The following KLHL32 variants were observed in gnomAD, a reference collection of about 807,000 sequenced individuals.
The protein encoded by KLHL32 is kelch like family member 32.
Under a neutral mutation model 64.8 loss-of-function variants are expected in KLHL32, and 35 were observed. That is an observed-to-expected ratio of 0.54 (90% confidence interval 0.41 to 0.72). The LOEUF (loss-of-function observed/expected upper bound fraction) is 0.72, where lower values mean the gene tolerates loss of function less well. Among genes scored for constraint, KLHL32 ranks in the 30% least tolerant of loss-of-function variants. The pLI is 0.00. For missense variants in KLHL32, 589 were observed against 768.5 expected (o/e 0.77, Z 2.76); for synonymous variants, 259 against 281.0 (o/e 0.92, Z 0.78).
chr6:97,134,088 C>T (rs944993948), intron 10 of KLHL32, among the ~76,000 whole-genome samples: 1 of 151,594 alleles, frequency 6.6e-6, no homozygotes, highest in East Asian at 1.9e-4. Flanking sequence ...TAATGGAACT[C>T]AAAAAAATTC....
At chr6:97,076,366 T>C (rs1791589692) in intron 5 of KLHL32, among the ~76,000 whole-genome samples, 1 of 152,230 alleles carries the variant, frequency 6.6e-6, no homozygotes, top group Non-Finnish European at 1.5e-5. Context: ...AGCTACTGTA[T>C]GTTGAGCATC....
chr6:97,018,467 C>G (rs1781535332), intron 3 of KLHL32, among the ~76,000 whole-genome samples: 1 of 151,314 alleles, frequency 6.6e-6, no homozygotes, highest in African/African-American at 2.4e-5. Flanking sequence ...TTGGCGCACT[C>G]CTGTGATCCC....
chr6:97,044,948 T>C (rs1785698073), intron 4 of KLHL32, among the ~76,000 whole-genome samples: 1 of 152,136 alleles, frequency 6.6e-6, no homozygotes, highest in South Asian at 2.1e-4. Context: ...TCTTTTCAAA[T>C]AATGAAGTTT....
At position 96,986,288 on chromosome 6, in the gene KLHL32, G is replaced by A. The variant is rs570253380; in HGVS notation, c.204+10111G>A. Reference sequence around the variant, plus strand: ...GAGGTGTCAGTCTGCCCCTAATGGGGGGGGCCTCCCAGTTAGGCTACTCAG... The same window carrying A: ...GAGGTGTCAGTCTGCCCCTAATGGGAGGGGCCTCCCAGTTAGGCTACTCAG... On this transcript the variant is annotated intron_variant, in intron 3 of 10. Coordinates refer to ENST00000369261, the MANE Select transcript of KLHL32 (RefSeq NM_052904.4). Among the ~76,000 whole-genome samples, 152 of 152,314 alleles carry A rather than the reference G, an allele frequency of 1.0e-3. 1 individual carries two copies. In the Middle Eastern group the frequency reaches 0.01, roughly 10 times the overall value.
At chr6:96,958,701 T>A (rs765177663) in intron 1 of KLHL32, among the ~76,000 whole-genome samples, 3 of 133,000 alleles carry the variant, frequency 2.3e-5, no homozygotes, top group Middle Eastern at 4.3e-3. Context: ...TAGAACTGGA[T>A]CTTCACATCT....
At chr6:96,980,072 G>C (rs1468041149) in intron 3 of KLHL32, among the ~76,000 whole-genome samples, 1 of 152,140 alleles carries the variant, frequency 6.6e-6, no homozygotes, top group Non-Finnish European at 1.5e-5. Flanking sequence ...CAGAGACTAT[G>C]TGGAGAGTTC....
chr6:96,976,853 C>T (rs1049065379), intron 3 of KLHL32, among the ~76,000 whole-genome samples: 1 of 152,160 alleles, frequency 6.6e-6, no homozygotes, highest in African/African-American at 2.4e-5. Context: ...CCCGCCTCGG[C>T]CTCCCAAAGT....
At chr6:97,094,221 G>T (rs1794652576) in intron 6 of KLHL32, among the ~76,000 whole-genome samples, 1 of 152,096 alleles carries the variant, frequency 6.6e-6, no homozygotes, top group Admixed American at 6.5e-5. Flanking sequence ...CATGCTAATT[G>T]GCTGTGTCAG....
chr6:96,901,956 G>A, the KLHL32 span, among the ~76,000 whole-genome samples: 7 of 152,244 alleles, frequency 4.6e-5, no homozygotes, highest in East Asian at 9.7e-4. Flanking sequence ...TGGTGTATAT[G>A]TACCACATTT....
At chr6:96,925,645 G>T (rs1321505476) in intron 1 of KLHL32, among the ~76,000 whole-genome samples, 2 of 152,122 alleles carry the variant, frequency 1.3e-5, no homozygotes, top group Non-Finnish European at 2.9e-5. Context: ...AAAAGCAGAT[G>T]ATTTAATTGT....
At chr6:96,988,118 T>G (rs1315226681) in intron 3 of KLHL32, among the ~76,000 whole-genome samples, 1 of 152,084 alleles carries the variant, frequency 6.6e-6, no homozygotes, top group African/African-American at 2.4e-5. Context: ...CTAATTAAAC[T>G]AAAGAGCTTC....
chr6:97,109,992 G>A (rs1425025224), intron 6 of KLHL32, among the ~76,000 whole-genome samples: 1 of 152,176 alleles, frequency 6.6e-6, no homozygotes, highest in Non-Finnish European at 1.5e-5. Context: ...TAAAAACACT[G>A]TGGGCAAAGA....
chr6:97,009,294 A>G (rs1355997245), intron 3 of KLHL32, among the ~76,000 whole-genome samples: 1 of 151,980 alleles, frequency 6.6e-6, no homozygotes, highest in East Asian at 1.9e-4. Flanking sequence ...AGCAGAGACA[A>G]TTTTTACCAA....
chr6:97,036,179 G>T (rs529465144), intron 3 of KLHL32, among the ~76,000 whole-genome samples: 5 of 151,872 alleles, frequency 3.3e-5, no homozygotes, highest in African/African-American at 1.2e-4. Context: ...GAATTTGTTT[G>T]CTTCATTTTT....
At chr6:97,097,264 T>C (rs911925626) in intron 6 of KLHL32, among the ~76,000 whole-genome samples, 2 of 152,218 alleles carry the variant, frequency 1.3e-5, no homozygotes, top group African/African-American at 4.8e-5. Flanking sequence ...ATCACCGAGC[T>C]GTCACTCCAG....
intron 1 of KLHL32, among the ~76,000 whole-genome samples, chr6:96,942,774 T>C (rs756307580): frequency 2.0e-5 from 3 of 151,666 alleles, no homozygotes; most frequent in Non-Finnish European, 4.4e-5. Context: ...TGAAAAAGAC[T>C]TTCCCCAGGT....
At chr6:96,988,110 A>C (rs1418351989) in intron 3 of KLHL32, among the ~76,000 whole-genome samples, 1 of 152,152 alleles carries the variant, frequency 6.6e-6, no homozygotes. Context: ...AATGGGATCT[A>C]ATTAAACTAA....
At chr6:97,035,062 C>G (rs1784088242) in intron 3 of KLHL32, among the ~76,000 whole-genome samples, 1 of 151,978 alleles carries the variant, frequency 6.6e-6, no homozygotes, top group Non-Finnish European at 1.5e-5. Context: ...TCTTCTCTTG[C>G]CATCTTCCTT....
chr6:96,954,312 A>ATTTTT (rs71012579), intron 1 of KLHL32, among the ~76,000 whole-genome samples: 16 of 89,436 alleles, frequency 1.8e-4, no homozygotes, highest in Middle Eastern at 6.8e-3. Context: ...CTTTCCTTCA[A>ATTTTT]TTTTTTTTTT....
Sources: allele counts gnomAD v4.1 joint callset (sites outside exome capture counted in the v4.1 genomes callset), GRCh38; gene constraint gnomAD v4.1.1; transcripts MANE v1.5; gene names NCBI Gene and HGNC (gene_info 2026-07-23, HGNC 2026-07-21).